UBN2: variants seen among roughly 807,000 people sequenced by gnomAD.
UBN2 encodes the protein ubinuclein-2.
UBN2 carries 35 observed loss-of-function variants against 120.2 expected under a neutral mutation model. The ratio of observed to expected loss-of-function variants is 0.29; its 90% confidence interval spans 0.22 to 0.39. The LOEUF (loss-of-function observed/expected upper bound fraction) is 0.39. Ranked by LOEUF, UBN2 falls within the 10% of genes least tolerant of loss-of-function variation. The pLI, the probability that UBN2 is intolerant of heterozygous loss-of-function variation, is 1.00. For synonymous variants in UBN2, 661 were observed against 648.7 expected, an observed-to-expected ratio of 1.02 and a Z score of -0.29; for missense variants, 1,693 against 1,663.2, an observed-to-expected ratio of 1.02 and a Z score of -0.31.
rs577983530 is a variant in UBN2, at chr7:139,282,951, T to C, written c.2119-73T>C. 2.9e-5 allele frequency: 35 copies of C among 1,199,360 alleles called. No individual in the cohort carries two copies. The South Asian group carries it at 5.3e-4, about 18-fold the overall frequency. The allele number at this position is 1,199,360 out of a possible 1,614,324, so 74.3% of individuals were successfully genotyped here. A position where few individuals can be genotyped will look rare whatever the true frequency, so the allele number is the denominator to read the frequency against. ...AATTGTAATTGTCATGAGAATCTTT[T>C]AGTTATTTAAAATTAACTTTGTAAT... On this transcript the variant is annotated intron_variant, in intron 14 of 17. Coordinates refer to ENST00000473989, the MANE Select transcript of UBN2 (RefSeq NM_173569.4).
intron 1 of UBN2, among the ~76,000 whole-genome samples, chr7:139,234,267 C>T (rs538533256): frequency 2.3e-4 from 35 of 151,898 alleles, no homozygotes; most frequent in African/African-American, 7.7e-4. Context: ...GCTCCAGATG[C>T]TGAAATTGGT....
At chr7:139,286,857 A>G (rs1797805177) in intron 15 of UBN2, among the ~76,000 whole-genome samples, 2 of 152,320 alleles carry the variant, frequency 1.3e-5, no homozygotes, top group Middle Eastern at 3.4e-3. Flanking sequence ...AAGGGTTGAT[A>G]TTCAATATAC....
rs749774584 is a variant in UBN2 at position 139,261,377 on chromosome 7, C to A, written c.1031C>A (p.Pro344His). The A allele has an allele frequency of 1.9e-6, 3 of 1,614,164 alleles. No individual in the cohort carries two copies. Among genetic ancestry groups the A allele is most frequent in the South Asian group, 1.1e-5 (1 of 91,080 alleles). ...GATGCATTAAAGAAGGAGTCTAACC[C>A]CAAAGTCCCAGTGACCTTGTCAACC... ...EKDALKKESN[P>H]KVPVTLSTPS... The change falls in exon 6 of 18, where the codon CCC (proline) becomes CAC (histidine). Residue 344 changes from proline to histidine, a missense_variant. Coordinates refer to ENST00000473989, the MANE Select transcript of UBN2 (RefSeq NM_173569.4).
At chr7:139,252,386 C>T (rs1184788963) in intron 3 of UBN2, among the ~76,000 whole-genome samples, 2 of 152,062 alleles carry the variant, frequency 1.3e-5, no homozygotes, top group East Asian at 1.9e-4. Flanking sequence ...ACAAGTTTGC[C>T]ATTGTAGCAT....
chr7:139,288,579 G>A (rs1253383498), intron 15 of UBN2, among the ~76,000 whole-genome samples: 1 of 152,178 alleles, frequency 6.6e-6, no homozygotes, highest in Non-Finnish European at 1.5e-5. Flanking sequence ...TCTCTGTGCA[G>A]TGGGAAGCTA....
rs1187823147 is a variant in UBN2, at chr7:139,231,542, GCCGAGTACCCGGGGCCCGAGCGTGAGC to G, written c.69_95del (p.Gly24_Pro32del). 7.2e-5 allele frequency: 102 copies of G among 1,425,452 alleles called. No homozygotes were observed. Among genetic ancestry groups the G allele is most frequent in the Middle Eastern group, 1.8e-4 (1 of 5,462 alleles). 88.3% of individuals were successfully genotyped at this position (1,425,452 alleles called of 1,614,324 possible). On this transcript the variant is annotated inframe_deletion, in exon 1 of 18. Coordinates refer to ENST00000473989, the MANE Select transcript of UBN2 (RefSeq NM_173569.4). Reference sequence around the variant, plus strand: ...CTTGTCACCGGTGCGGCGGCGCGAGGCCGAGTACCCGGGGCCCGAGCGTGAGCCCGAGTACCCCCGCGAGCCCCCCCG... The same window carrying G: ...CTTGTCACCGGTGCGGCGGCGCGAGGCCGAGTACCCCCGCGAGCCCCCCCG...
At chr7:139,285,531 C>T (rs1021254340) in intron 15 of UBN2, among the ~76,000 whole-genome samples, 9 of 152,192 alleles carry the variant, frequency 5.9e-5, no homozygotes, top group African/African-American at 2.2e-4. Context: ...AGGCCATTCT[C>T]AGACTCTTTC....
In UBN2 at chr7:139,293,973, C is replaced by T. The variant is rs755456813; in HGVS notation, c.3986C>T (p.Ala1329Val). Reference sequence around the variant, plus strand: ...CCTCTGCCTGCACACTTACAGCAAGCATTTCACGGTGAGAACGCCACCTCC... The same window carrying T: ...CCTCTGCCTGCACACTTACAGCAAGTATTTCACGGTGAGAACGCCACCTCC... ...HSPLPAHLQQ[A>V]FHDGGQSKGD... Residue 1329 changes from alanine to valine, a missense_variant, in exon 17 of 18, where the codon GCA becomes GTA. Ala to Val is a moderately conservative substitution (Grantham distance 64). Transcript: ENST00000473989. 6.2e-7 allele frequency: 1 copy of T among 1,614,086 alleles called. No homozygotes were observed. Among genetic ancestry groups the T allele is most frequent in the East Asian group, 2.2e-5 (1 of 44,874 alleles).
At chr7:139,261,020 C>T (rs1783962271) in intron 5 of UBN2, among the ~76,000 whole-genome samples, 1 of 152,146 alleles carries the variant, frequency 6.6e-6, no homozygotes, top group Non-Finnish European at 1.5e-5. Context: ...CTAAACTGAG[C>T]TGTTTCCCCA....
At chr7:139,296,900 T>TA (rs1413466669) in intron 17 of UBN2, among the ~76,000 whole-genome samples, 1 of 151,436 alleles carries the variant, frequency 6.6e-6, no homozygotes, top group Non-Finnish European at 1.5e-5. Context: ...GACTCTCTCT[T>TA]AAAAAAAGAA....
intron 1 of UBN2, among the ~76,000 whole-genome samples, chr7:139,233,188 A>G (rs1013155125): frequency 4.6e-5 from 7 of 152,212 alleles, no homozygotes; most frequent in African/African-American, 1.4e-4. Context: ...TGGTCAAATC[A>G]TTACAAAATG....
chr7:139,259,195 T>C, intron 4 of UBN2, 72 bp from the exon 5 acceptor site: 1 of 1,569,000 alleles, frequency 6.4e-7, no homozygotes, highest in Non-Finnish European at 8.6e-7. Flanking sequence ...CCACTGCTGA[T>C]GCTGGATTGC....
chr7:139,249,999 CCTTCT>C (rs1385129914), intron 2 of UBN2, among the ~76,000 whole-genome samples: 4 of 152,142 alleles, frequency 2.6e-5, no homozygotes, highest in Admixed American at 1.3e-4. Flanking sequence ...CTGCACCTGG[CCTTCT>C]CTTCTCTTTC....
intron 3 of UBN2, among the ~76,000 whole-genome samples, chr7:139,256,841 A>G (rs538032091): frequency 7.2e-5 from 11 of 152,274 alleles, no homozygotes; most frequent in South Asian, 2.1e-4. Flanking sequence ...CCTTTCTTCA[A>G]TCATTTTATT....
chr7:139,239,836 G>C (rs567170722), intron 2 of UBN2, among the ~76,000 whole-genome samples: 69 of 152,150 alleles, frequency 4.5e-4, no homozygotes, highest in Admixed American at 1.5e-3. Flanking sequence ...GATTACAGGC[G>C]TGAGCCACTG....
intron 13 of UBN2, among the ~76,000 whole-genome samples, chr7:139,280,926 G>A (rs1480942576): frequency 6.6e-6 from 1 of 152,230 alleles, no homozygotes; most frequent in East Asian, 1.9e-4. Context: ...TTACAGGCAT[G>A]CGCCACTATG....
chr7:139,316,077 C>CAAAAAAAAA, the UBN2 span, among the ~76,000 whole-genome samples: 33 of 14,170 alleles, frequency 2.3e-3, 8 homozygotes, highest in African/African-American at 4.6e-3. Context: ...GACTTCGTCT[C>CAAAAAAAAA]AAAAAAAAAA....
At chr7:139,287,693 A>G (rs1461890664) in intron 15 of UBN2, among the ~76,000 whole-genome samples, 4 of 131,706 alleles carry the variant, frequency 3.0e-5, no homozygotes, top group Admixed American at 7.9e-5. Flanking sequence ...TTTCTGTCTT[A>G]CTGGTTTGAC....
At chr7:139,250,231 G>T (rs1178835053) in intron 2 of UBN2, among the ~76,000 whole-genome samples, 2 of 151,984 alleles carry the variant, frequency 1.3e-5, no homozygotes, top group Non-Finnish European at 2.9e-5. Context: ...GCCAGACCTT[G>T]TGTCATTTTT....
Sources: gnomAD v4.1 joint callset for allele counts (sites outside exome capture counted in the v4.1 genomes callset) on GRCh38, gnomAD v4.1.1 for gene constraint, MANE v1.5 for transcripts, NCBI Gene and HGNC (gene_info 2026-07-23, HGNC 2026-07-21) for gene names.